Variants in AHDC1 observed in about 807,000 individuals in gnomAD.
AHDC1 encodes transcription factor Gibbin.
Under a neutral mutation model 87.9 loss-of-function variants are expected in AHDC1, and 7 were observed. That is an observed-to-expected ratio of 0.08 (90% CI 0.05 to 0.15). The LOEUF (loss-of-function observed/expected upper bound fraction) is 0.15, where lower values mean the gene tolerates loss of function less well. Ranked by LOEUF, AHDC1 falls within the 10% of genes least tolerant of loss-of-function variation. The pLI, the probability that AHDC1 is intolerant of heterozygous loss-of-function variation, is 1.00. For missense variants in AHDC1, 1,841 were observed against 2,253.2 expected, an observed-to-expected ratio of 0.82 and a Z score of 3.70; for synonymous variants, 1,051 against 1,006.8, an observed-to-expected ratio of 1.04 and a Z score of -0.83.
intron 3 of AHDC1, among the ~76,000 whole-genome samples, chr1:27,582,849 T>C (rs1274351532): frequency 1.3e-5 from 2 of 152,238 alleles, no homozygotes; most frequent in Admixed American, 6.5e-5. Context: ...TTAGCTAGGA[T>C]TGGACTGCAG....
intron 3 of AHDC1, among the ~76,000 whole-genome samples, chr1:27,602,438 T>C (rs2148510395): frequency 6.6e-6 from 1 of 152,010 alleles, no homozygotes; most frequent in Non-Finnish European, 1.5e-5. Flanking sequence ...TCAGTCCTCA[T>C]CCCCAGCCCC....
intron 8 of AHDC1, among the ~76,000 whole-genome samples, chr1:27,536,306 T>A (rs2018637122): frequency 6.6e-6 from 1 of 152,246 alleles, no homozygotes; most frequent in South Asian, 2.1e-4. Context: ...GGTGGGCTCC[T>A]GCAGAGGCAG....
At chr1:27,538,833 A>C (rs898760347) in intron 8 of AHDC1, among the ~76,000 whole-genome samples, 3 of 152,112 alleles carry the variant, frequency 2.0e-5, no homozygotes, top group Non-Finnish European at 4.4e-5. Flanking sequence ...ATTCTATAAA[A>C]TAAGGGAGCT....
At chr1:27,587,190 G>A (rs566245742) in intron 3 of AHDC1, among the ~76,000 whole-genome samples, 1 of 152,216 alleles carries the variant, frequency 6.6e-6, no homozygotes, top group Non-Finnish European at 1.5e-5. Flanking sequence ...GGAAACTGAG[G>A]CCGGGGAAGA....
At chr1:27,570,303 C>A (rs1440218424) in intron 3 of AHDC1, among the ~76,000 whole-genome samples, 1 of 152,026 alleles carries the variant, frequency 6.6e-6, no homozygotes, top group Non-Finnish European at 1.5e-5. Context: ...GAGCTGGCAG[C>A]TTCCCACACC....
chr1:27,575,355 CG>C (rs1031024231), intron 3 of AHDC1, among the ~76,000 whole-genome samples: 3 of 152,020 alleles, frequency 2.0e-5, no homozygotes, highest in African/African-American at 7.2e-5. Context: ...TTCTCCGCCG[CG>C]CAAGCCGGGA....
chr1:27,580,928 G>A (rs964171617), intron 3 of AHDC1, among the ~76,000 whole-genome samples: 4 of 151,862 alleles, frequency 2.6e-5, no homozygotes, highest in Non-Finnish European at 5.9e-5. Flanking sequence ...TCCGCCTCCC[G>A]GGTTCAAGCG....
chr1:27,539,857 A>G (rs1206183703), intron 8 of AHDC1, among the ~76,000 whole-genome samples: 1 of 152,180 alleles, frequency 6.6e-6, no homozygotes, highest in Admixed American at 6.5e-5. Flanking sequence ...GTGAGGCAGT[A>G]GGACCAAATG....
chr1:27,596,754 C>T (rs2089384381), intron 3 of AHDC1, among the ~76,000 whole-genome samples: 1 of 152,028 alleles, frequency 6.6e-6, no homozygotes, highest in South Asian at 2.1e-4. Flanking sequence ...TCACACATAC[C>T]CCACCCTGCA....
At position 27,548,750 on chromosome 1, in the gene AHDC1, C is replaced by G; in HGVS notation, c.3366G>C (p.Glu1122Asp). The change falls in exon 8 of 9, where the codon GAG becomes GAC. Residue 1122 changes from glutamate to aspartate, a missense_variant. By Grantham distance (45) the Glu-to-Asp change is conservative. This residue lies in a region of AHDC1 where 378 missense variants were observed against 399.0 expected (regional missense o/e 0.95). Transcript: ENST00000673934. ...TGGGATTGTAGAGCTGACTAAAGGC[C>G]TCTGAGGCCCAGTCCAGGCCTCCAT... The part of the protein sequence containing the change: ...QGYGGLDWAS[E>D]AFSQLYNPSF... The G allele has an allele frequency of 6.2e-7, 1 of 1,613,262 alleles. No homozygotes were observed. The highest frequency in any genetic ancestry group is 8.5e-7 in the Non-Finnish European group (1 of 1,180,046).
intron 3 of AHDC1, among the ~76,000 whole-genome samples, chr1:27,566,404 A>G (rs1341700281): frequency 6.6e-6 from 1 of 151,846 alleles, no homozygotes; most frequent in Non-Finnish European, 1.5e-5. Context: ...GAAAAAGACA[A>G]AAGAGAGAGA....
rs370312815 is a variant in AHDC1 at position 27,562,404 on chromosome 1, AT to A, written c.-628-3522del. Among the ~76,000 whole-genome samples, 675 of 152,218 alleles carry A rather than the reference AT, an allele frequency of 4.4e-3. 15 individuals are homozygous for A. The highest frequency in any genetic ancestry group is 0.033 in the Admixed American group (508 of 15,298). On this transcript the variant is annotated intron_variant, in intron 3 of 8. Coordinates refer to ENST00000673934, the MANE Select transcript of AHDC1 (RefSeq NM_001371928.1). This position sits in a 1 kb window ranked among gnomAD's most constrained non-coding sequence, Gnocchi z 4.4. ...TTAATCCTGTGGCTCCAGAGCCTTA[AT>A]TAGTTTAACAGTTTCAGGGGCAGGA...
At chr1:27,581,183 G>A (rs1233722358) in intron 3 of AHDC1, among the ~76,000 whole-genome samples, 2 of 152,028 alleles carry the variant, frequency 1.3e-5, no homozygotes, top group African/African-American at 2.4e-5. Flanking sequence ...AGGGTGGAGT[G>A]TAGTGGCGTG....
At chr1:27,600,153 C>T (rs2089490213) in intron 3 of AHDC1, among the ~76,000 whole-genome samples, 1 of 151,926 alleles carries the variant, frequency 6.6e-6, no homozygotes, top group African/African-American at 2.4e-5. Flanking sequence ...CTCTCTTCAC[C>T]ATGCATGTGG....
intron 3 of AHDC1, among the ~76,000 whole-genome samples, chr1:27,582,204 G>A (rs1422839860): frequency 6.6e-6 from 1 of 152,148 alleles, no homozygotes; most frequent in Admixed American, 6.5e-5. Flanking sequence ...AGACTTTCAG[G>A]AACAGAACAG....
At position 27,547,071 on chromosome 1, in the gene AHDC1, C is replaced by A. The variant is rs1343125508; in HGVS notation, c.*43+190G>T. ...CCCCCTGCTGAGTTCCCAGCCCAAG[C>A]ACCCCATCTCCTCCTGAGACTGTCC... On this transcript the variant is annotated intron_variant, in intron 8 of 8. Transcript: ENST00000673934. The surrounding 1 kb of genome is among the most constrained non-coding windows in gnomAD (Gnocchi z 4.9). Among the ~76,000 whole-genome samples, 1 of 151,870 alleles carries A rather than the reference C, an allele frequency of 6.6e-6. No homozygotes were observed. The highest frequency in any genetic ancestry group is 1.5e-5 in the Non-Finnish European group (1 of 67,974).
At chr1:27,602,522 C>T (rs139081931) in intron 3 of AHDC1, among the ~76,000 whole-genome samples, 1 of 152,128 alleles carries the variant, frequency 6.6e-6, no homozygotes, top group Non-Finnish European at 1.5e-5. Context: ...AGCCAGCCCC[C>T]TGCCCCTCTG....
Position 27,552,071 on chromosome 1 carries a change from C to T in AHDC1, c.45G>A (p.Val15=). 1.3e-6 allele frequency: 2 copies of T among 1,497,512 alleles called. No individual in the cohort carries two copies. Among genetic ancestry groups the T allele is most frequent in the South Asian group, 1.3e-5 (1 of 75,998 alleles). 92.8% of individuals were successfully genotyped at this position (1,497,512 alleles called of 1,614,324 possible). ...CCCGGAGGTAGTCAGGAGAGCTGCA[C>T]ACGGCACTGGAAGTCACCACCAGGC... ...PQGLVVTSSA[V]CSSPDYLREP... Residue 15 remains valine (V), a synonymous_variant, in exon 8 of 9, where the codon GTG becomes GTA. Transcript: ENST00000673934.
At chr1:27,545,770 T>C (rs1374369617) in intron 8 of AHDC1, among the ~76,000 whole-genome samples, 1 of 152,054 alleles carries the variant, frequency 6.6e-6, no homozygotes, top group Non-Finnish European at 1.5e-5. Flanking sequence ...GTTTGCTTCA[T>C]TGTCTCTGCC....
Sources: gnomAD v4.1 joint callset for allele counts (sites outside exome capture counted in the v4.1 genomes callset) on GRCh38, gnomAD v4.1.1 for gene constraint, gnomAD v4.1.1 regional missense constraint, Gnocchi (gnomAD v3.1) non-coding constraint, MANE v1.5 for transcripts, NCBI Gene and HGNC (gene_info 2026-07-23, HGNC 2026-07-21) for gene names.